CPXM2: variants seen among roughly 807,000 people sequenced by gnomAD.
CPXM2 encodes the protein inactive carboxypeptidase-like protein X2.
Under a neutral mutation model 86.1 loss-of-function variants are expected in CPXM2, and 66 were observed. The observed-to-expected ratio is 0.77, with a 90% CI of 0.63 to 0.94. CPXM2 has a LOEUF of 0.94. Among genes scored for constraint, CPXM2 ranks in the 40% least tolerant of loss-of-function variants. The pLI is 0.00. For synonymous variants in CPXM2, 388 were observed against 400.2 expected (o/e 0.97, Z 0.36); for missense variants, 948 against 1,026.3 (o/e 0.92, Z 1.04).
chr10:123,877,968 G>A (rs895916354), intron 2 of CPXM2, among the ~76,000 whole-genome samples: 1 of 152,088 alleles, frequency 6.6e-6, no homozygotes, highest in African/African-American at 2.4e-5. Flanking sequence ...TGCAAATGAA[G>A]TGGCTGACAT....
At chr10:123,790,410 G>C (rs2004472) in intron 6 of CPXM2, among the ~76,000 whole-genome samples, 4,751 of 84,898 alleles carry the variant, frequency 0.056, 521 homozygotes, top group African/African-American at 0.093. Context: ...GTGACCAGGG[G>C]AACAGATGTG....
chr10:123,868,609 C>T (rs773129138), intron 2 of CPXM2, among the ~76,000 whole-genome samples: 1 of 152,108 alleles, frequency 6.6e-6, no homozygotes, highest in Non-Finnish European at 1.5e-5. Flanking sequence ...CTGGAAGCCA[C>T]TACCAGCTAA....
intron 2 of CPXM2, among the ~76,000 whole-genome samples, chr10:123,937,669 G>A (rs1945735884): frequency 6.6e-6 from 1 of 152,080 alleles, no homozygotes; most frequent in Non-Finnish European, 1.5e-5. Flanking sequence ...TTCACAATGA[G>A]CTTTCTCTTC....
rs954497679 is a variant in CPXM2, at chr10:123,915,525, TACAGCCTGGGCA to T, written n.174+23940_174+23951del. Reference sequence around the variant, plus strand: ...GTGAGTGGAGGTCGGGCCACTGCAGTACAGCCTGGGCAACAGAGCGAGATTGTCAAAAAAAAT... The same window carrying T: ...GTGAGTGGAGGTCGGGCCACTGCAGTACAGAGCGAGATTGTCAAAAAAAAT... On this transcript the variant is annotated intron_variant and non_coding_transcript_variant, in intron 2 of 19. Transcript: ENST00000368854. 2.2e-4 allele frequency among the ~76,000 whole-genome samples: 33 copies of T among 152,046 alleles called. 1 individual carries two copies. The highest frequency in any genetic ancestry group is 7.4e-5 in the Non-Finnish European group (5 of 68,000).
intron 2 of CPXM2, among the ~76,000 whole-genome samples, chr10:123,923,906 C>G (rs758045148): frequency 6.6e-6 from 1 of 152,184 alleles, no homozygotes; most frequent in Admixed American, 6.5e-5. Flanking sequence ...TCCCCAGCCA[C>G]GTGGAACTGT....
chr10:123,883,732 G>A (rs917326895), intron 1 of CPXM2, among the ~76,000 whole-genome samples: 4 of 152,288 alleles, frequency 2.6e-5, no homozygotes, highest in South Asian at 4.2e-4. Flanking sequence ...CCAAGGTCAC[G>A]GACAGAGCAA....
intron 7 of CPXM2, among the ~76,000 whole-genome samples, chr10:123,774,410 G>A (rs1846731761): frequency 1.3e-5 from 2 of 152,060 alleles, no homozygotes; most frequent in South Asian, 2.1e-4. Flanking sequence ...CAAATTTTAT[G>A]GTGGGTTGAA....
At chr10:123,812,670 G>C (rs770291508) in intron 4 of CPXM2, among the ~76,000 whole-genome samples, 2 of 152,230 alleles carry the variant, frequency 1.3e-5, no homozygotes, top group Non-Finnish European at 2.9e-5. Context: ...TCGACCTACT[G>C]TCAGATCAGC....
chr10:123,784,997 A>G (rs955386770), intron 6 of CPXM2, among the ~76,000 whole-genome samples: 1 of 152,242 alleles, frequency 6.6e-6, no homozygotes, highest in Non-Finnish European at 1.5e-5. Context: ...ATTTTACTTC[A>G]TCCTCTTCAT....
chr10:123,747,167 G>T, intron 13 of CPXM2, 150 bp from the exon 14 acceptor site: 2 of 981,356 alleles, frequency 2.0e-6, no homozygotes. Context: ...AATTCTTAAT[G>T]CATTTTGGAA....
chr10:123,774,831 T>C (rs1846742798), intron 7 of CPXM2, among the ~76,000 whole-genome samples: 1 of 152,202 alleles, frequency 6.6e-6, no homozygotes, highest in Non-Finnish European at 1.5e-5. Context: ...TCTACAGCCA[T>C]CACCATGAAG....
intron 2 of CPXM2, among the ~76,000 whole-genome samples, chr10:123,934,587 A>G (rs1450717730): frequency 2.6e-5 from 4 of 152,106 alleles, no homozygotes; most frequent in Non-Finnish European, 1.5e-5. Flanking sequence ...AATCACATTC[A>G]GAGGCTCAAG....
chr10:123,880,316 G>C lies in CPXM2; in HGVS notation c.305-7C>G, dbSNP rs376220718. The C allele has an allele frequency of 5.5e-5, 72 of 1,312,422 alleles. No homozygotes were observed. The African/African-American group carries it at 7.1e-4, about 13-fold the overall frequency. The allele number at this position is 1,312,422 out of a possible 1,614,324, so 81.3% of individuals were successfully genotyped here. A position where few individuals can be genotyped will look rare whatever the true frequency, so the allele number is the denominator to read the frequency against. On this transcript the variant is annotated splice_polypyrimidine_tract_variant and splice_region_variant and intron_variant, in intron 1 of 13. Coordinates refer to ENST00000241305, the MANE Select transcript of CPXM2 (RefSeq NM_198148.3). ...TTTTTGTTGCTGTGTTTACCTAAAG[G>C]GGGAGAGAGAGATGCCTTTACTTTC...
At chr10:123,935,680 C>A (rs573237214) in intron 2 of CPXM2, among the ~76,000 whole-genome samples, 1 of 152,214 alleles carries the variant, frequency 6.6e-6, no homozygotes, top group South Asian at 2.1e-4. Flanking sequence ...GAAAAATAGC[C>A]CAGACAAGGA....
chr10:123,810,697 A>T (rs1355959723), intron 4 of CPXM2, among the ~76,000 whole-genome samples: 1 of 152,168 alleles, frequency 6.6e-6, no homozygotes, highest in East Asian at 1.9e-4. Context: ...AAAGACATAC[A>T]TAAGTGGGGA....
chr10:123,904,924 T>TGTGACCTCCCCTCCACCCACCCACC (rs1554891390), intron 2 of CPXM2, among the ~76,000 whole-genome samples: 1 of 130,298 alleles, frequency 7.7e-6, no homozygotes. Flanking sequence ...ACCTGCATCC[T>TGTGACCTCCCCTCCACCCACCCACC]AGTGAGGGAT....
At chr10:123,928,063 C>T (rs2134284213) in intron 2 of CPXM2, among the ~76,000 whole-genome samples, 1 of 152,332 alleles carries the variant, frequency 6.6e-6, no homozygotes, top group Middle Eastern at 3.4e-3. Context: ...GCCAAACCTC[C>T]TGGCTGGGGC....
At chr10:123,788,434 C>T (rs1489545079) in intron 6 of CPXM2, among the ~76,000 whole-genome samples, 5 of 152,122 alleles carry the variant, frequency 3.3e-5, no homozygotes, top group African/African-American at 4.8e-5. Flanking sequence ...AAAGCAAGCC[C>T]GATACGAAAC....
rs906727004 is a variant in CPXM2, at chr10:123,746,518, G to A, written c.*246C>T. The stretch of plus-strand genomic sequence containing the variant: ...TCTGATTCCCAGGTTGGCTTGCTGA[G>A]TTCTCTCACTCCCATCAGCTTTTCT... On this transcript the variant is annotated 3_prime_UTR_variant, in exon 14 of 14. Transcript: ENST00000241305. The A allele has an allele frequency of 1.1e-5, 6 of 530,226 alleles. No individual in the cohort carries two copies. The highest frequency in any genetic ancestry group is 3.4e-5 in the Admixed American group (1 of 28,996). 32.8% of individuals were successfully genotyped at this position (530,226 alleles called of 1,614,324 possible).
Sources: gnomAD v4.1 joint callset for allele counts (sites outside exome capture counted in the v4.1 genomes callset) on GRCh38, gnomAD v4.1.1 for gene constraint, MANE v1.5 for transcripts, NCBI Gene and HGNC (gene_info 2026-07-23, HGNC 2026-07-21) for gene names.